Variants in DNM3 observed in about 807,000 individuals in gnomAD.
DNM3 encodes dynamin 3.
In DNM3, 47 loss-of-function variants were observed where a neutral mutation model predicts 101.6. That is an observed-to-expected ratio of 0.46 (90% CI 0.37 to 0.59). The LOEUF is 0.59. Among genes scored for constraint, DNM3 ranks in the 20% least tolerant of loss-of-function variants. The pLI is 0.00. For synonymous variants in DNM3, 385 were observed against 387.9 expected (o/e 0.99, Z 0.09); for missense variants, 849 against 1,085.7 (o/e 0.78, Z 3.06).
chr1:172,266,449 C>G (rs750041344), intron 15 of DNM3, among the ~76,000 whole-genome samples: 2 of 151,902 alleles, frequency 1.3e-5, no homozygotes, highest in Non-Finnish European at 2.9e-5. Context: ...ATTCTGGACT[C>G]GGGAATGAAA....
At chr1:172,293,242 G>A (rs570332473) in intron 15 of DNM3, among the ~76,000 whole-genome samples, 1 of 152,304 alleles carries the variant, frequency 6.6e-6, no homozygotes, top group East Asian at 1.9e-4. Context: ...AGCTGACATA[G>A]GTAAGGGAAT....
At chr1:172,242,354 C>G (rs1025353332) in intron 14 of DNM3, among the ~76,000 whole-genome samples, 1 of 152,122 alleles carries the variant, frequency 6.6e-6, no homozygotes, top group African/African-American at 2.4e-5. Context: ...GGTATAATTT[C>G]TCTAGGAAAA....
Position 172,188,146 on chromosome 1 carries a change from T to C in DNM3, c.1659+56858T>C, listed in dbSNP as rs567285750. On this transcript the variant is annotated intron_variant, in intron 14 of 20. Coordinates refer to ENST00000627582, the MANE Select transcript of DNM3 (RefSeq NM_015569.5). ...CTTTCCAGAAATTTTGTTTCTTTAT[T>C]TTGTGTATTTATACACTTTGAAAAT... is the stretch of plus-strand genomic sequence containing the variant. 4.6e-5 allele frequency among the ~76,000 whole-genome samples: 7 copies of C among 152,236 alleles called. No homozygotes were observed. In the South Asian group the frequency reaches 1.2e-3, roughly 27 times the overall value.
intron 14 of DNM3, among the ~76,000 whole-genome samples, chr1:172,197,867 T>G (rs1241699444): frequency 6.6e-6 from 1 of 152,068 alleles, no homozygotes; most frequent in African/African-American, 2.4e-5. Flanking sequence ...AGAGACAGTT[T>G]GATTTCCCCT....
intron 4 of DNM3, among the ~76,000 whole-genome samples, chr1:172,011,276 A>C (rs1003953394): frequency 3.3e-5 from 5 of 151,924 alleles, no homozygotes; most frequent in East Asian, 3.9e-4. Context: ...CAGCTTCCTG[A>C]AAGTTCTTTT....
chr1:172,242,849 A>AAG (rs2148655101), intron 14 of DNM3, among the ~76,000 whole-genome samples: 1 of 152,260 alleles, frequency 6.6e-6, no homozygotes, highest in African/African-American at 2.4e-5. Flanking sequence ...CAAGAAGCCA[A>AAG]ATGAGGTGGT....
intron 14 of DNM3, among the ~76,000 whole-genome samples, chr1:172,163,956 T>TACAC (rs10536417): frequency 2.9e-4 from 42 of 147,328 alleles, no homozygotes; most frequent in African/African-American, 4.7e-4. Flanking sequence ...TACATATATA[T>TACAC]ACACACACAC....
At chr1:172,081,926 C>A in intron 12 of DNM3, 24 bp downstream of exon 12, 1 of 1,605,766 alleles carries the variant, frequency 6.2e-7, no homozygotes, top group Non-Finnish European at 8.5e-7. Context: ...TTGATGGCCA[C>A]ATGCATTCCT....
At chr1:172,227,210 C>T (rs1338118958) in intron 14 of DNM3, among the ~76,000 whole-genome samples, 1 of 146,146 alleles carries the variant, frequency 6.8e-6, no homozygotes, top group African/African-American at 2.5e-5. Context: ...CCCCCAGTTA[C>T]ATCCAAGTTG....
chr1:172,064,276 A>T (rs1437905731), intron 10 of DNM3, among the ~76,000 whole-genome samples: 3 of 152,220 alleles, frequency 2.0e-5, no homozygotes, highest in Non-Finnish European at 4.4e-5. Context: ...GATTACTTTG[A>T]CAAATAAGAA....
At chr1:172,113,478 G>A (rs951838558) in intron 13 of DNM3, among the ~76,000 whole-genome samples, 5 of 151,918 alleles carry the variant, frequency 3.3e-5, no homozygotes, top group African/African-American at 1.2e-4. Flanking sequence ...AAATTAGTCG[G>A]GCCTGGTGGC....
chr1:172,313,600 C>T (rs1204199871), intron 16 of DNM3, among the ~76,000 whole-genome samples: 1 of 152,178 alleles, frequency 6.6e-6, no homozygotes, highest in African/African-American at 2.4e-5. Flanking sequence ...CTGCCATTTA[C>T]TAGCCATGTG....
chr1:172,205,352 A>G (rs1558723835), intron 14 of DNM3, among the ~76,000 whole-genome samples: 1 of 152,140 alleles, frequency 6.6e-6, no homozygotes, highest in Non-Finnish European at 1.5e-5. Context: ...ATGGACTACC[A>G]GTTCTTACAC....
chr1:172,313,194 A>C (rs2065152847), intron 16 of DNM3, among the ~76,000 whole-genome samples: 1 of 152,240 alleles, frequency 6.6e-6, no homozygotes, highest in African/African-American at 2.4e-5. Context: ...ATATCATTAA[A>C]TATGTAGGAC....
chr1:172,397,751 AT>A (rs35586435), intron 20 of DNM3, among the ~76,000 whole-genome samples: 113,909 of 150,898 alleles, frequency 0.75, 43,205 homozygotes, highest in East Asian at 1. Context: ...TATAGATTTC[AT>A]TTTTTTTTTC....
chr1:172,022,788 C>A (rs1410543559), intron 4 of DNM3, among the ~76,000 whole-genome samples: 1 of 152,008 alleles, frequency 6.6e-6, no homozygotes, highest in African/African-American at 2.4e-5. Flanking sequence ...CTTTTGACTT[C>A]TCACTGTAGA....
At chr1:171,930,520 T>C (rs893093421) in intron 2 of DNM3, among the ~76,000 whole-genome samples, 1 of 152,164 alleles carries the variant, frequency 6.6e-6, no homozygotes, top group Non-Finnish European at 1.5e-5. Flanking sequence ...CACAAAGCTC[T>C]GTGTGTCAGA....
chr1:172,219,872 A>G (rs982728991), intron 14 of DNM3, among the ~76,000 whole-genome samples: 3 of 152,130 alleles, frequency 2.0e-5, no homozygotes, highest in Non-Finnish European at 4.4e-5. Context: ...TACATTTTAC[A>G]TAGGAGATTT....
intron 14 of DNM3, among the ~76,000 whole-genome samples, chr1:172,227,834 A>C (rs575051900): frequency 6.6e-6 from 1 of 152,292 alleles, no homozygotes; most frequent in Non-Finnish European, 1.5e-5. Flanking sequence ...GTATAAAAAT[A>C]TCCATTTCCT....
Sources: allele counts gnomAD v4.1 joint callset (sites outside exome capture counted in the v4.1 genomes callset), GRCh38; gene constraint gnomAD v4.1.1; transcripts MANE v1.5; gene names NCBI Gene and HGNC (gene_info 2026-07-23, HGNC 2026-07-21).